The following HOXC4 variants were observed in gnomAD, a reference collection of about 807,000 sequenced individuals.
HOXC4 encodes the protein homeobox protein Hox-C4.
In HOXC4, 15 loss-of-function variants were observed where a neutral mutation model predicts 25.5. The observed-to-expected ratio is 0.59, with a 90% confidence interval of 0.39 to 0.91. HOXC4 has a LOEUF of 0.91. HOXC4 is among the 40% of genes least tolerant of loss of function. The pLI, the probability that HOXC4 is intolerant of heterozygous loss-of-function variation, is 0.00. For synonymous variants in HOXC4, 165 were observed against 148.0 expected (o/e 1.11, Z -0.83); for missense variants, 342 against 352.4 (o/e 0.97, Z 0.24).
rs143274247 is a variant in HOXC4, at chr12:54,034,483, G to A, written c.-124+17069G>A. 1.3e-4 allele frequency: 203 copies of A among 1,613,856 alleles called. 1 individual carries two copies. The Middle Eastern group carries it at 1.9e-3, about 15-fold the overall frequency. On this transcript the variant is annotated intron_variant, in intron 1 of 3. Transcript: ENST00000303406. ...AAGATTCCAAAATGAAAAGCAAAGAGGCTCTTTAGAGGCAGCGGGGGAGGC... is the reference window on the plus strand; with the variant it reads ...AAGATTCCAAAATGAAAAGCAAAGAAGCTCTTTAGAGGCAGCGGGGGAGGC...
Position 54,054,033 on chromosome 12 carries a change from C to A in HOXC4, c.111C>A (p.Tyr37Ter). 6.2e-7 allele frequency: 1 copy of A among 1,613,498 alleles called. No homozygotes were observed. Among genetic ancestry groups the A allele is most frequent in the Non-Finnish European group, 8.5e-7 (1 of 1,179,384 alleles). ...SYIPEHSPEYYGRTRESGFQH... is the reference protein window; with the variant it reads ...SYIPEHSPEY ...TCCCTGAACACAGTCCGGAATATTACGGCCGGACCAGGGAATCGGGATTCC... is the reference window on the plus strand; with the variant it reads ...TCCCTGAACACAGTCCGGAATATTAAGGCCGGACCAGGGAATCGGGATTCC... Residue 37 changes from tyrosine to a stop codon, truncating the protein, a stop_gained, in exon 1 of 2, where the codon TAC (tyrosine) becomes TAA (stop). Transcript: ENST00000430889. LOFTEE classifies it high-confidence loss of function.
At chr12:54,029,424 C>CCCCCCCCCCCCCCCCCCCT (rs1940893460) in intron 1 of HOXC4, among the ~76,000 whole-genome samples, 1 of 142,804 alleles carries the variant, frequency 7.0e-6, no homozygotes, top group African/African-American at 2.6e-5. Context: ...CCCCCCCCCA[C>CCCCCCCCCCCCCCCCCCCT]CACACACCTT....
chr12:54,030,717 A>AAAAT (rs1185935317), intron 1 of HOXC4: 17 of 152,724 alleles, frequency 1.1e-4, no homozygotes, highest in Middle Eastern at 3.4e-3. Flanking sequence ...CCAGTAGGAG[A>AAAAT]AAATAAATAA....
chr12:54,032,285 A>AC (rs979541063), intron 1 of HOXC4, among the ~76,000 whole-genome samples: 4 of 151,322 alleles, frequency 2.6e-5, no homozygotes, highest in Middle Eastern at 3.4e-3. Context: ...CAGCTTCATG[A>AC]CCCCCCTATC....
At chr12:54,020,601 A>G (rs1161548588) in intron 1 of HOXC4, 3 of 152,182 alleles carry the variant, frequency 2.0e-5, no homozygotes, top group Admixed American at 1.3e-4. Flanking sequence ...ATACAGACTC[A>G]TATTTCCTTG....
chr12:54,020,528 G>A (rs1940389268), intron 1 of HOXC4: 1 of 152,092 alleles, frequency 6.6e-6, no homozygotes. Context: ...ACCAGGCTTG[G>A]GAGTGTTATA....
intron 1 of HOXC4, chr12:54,028,571 G>T (rs200139629): frequency 6.2e-7 from 1 of 1,613,942 alleles, no homozygotes; most frequent in African/African-American, 1.3e-5. Flanking sequence ...CTCGCCGGGG[G>T]CCAGGACGTC....
At chr12:54,038,817 C>G (rs969467514) in intron 1 of HOXC4, among the ~76,000 whole-genome samples, 5 of 151,678 alleles carry the variant, frequency 3.3e-5, no homozygotes, top group African/African-American at 1.2e-4. Flanking sequence ...GAGGCAATGT[C>G]TTTGCTAGGC....
Position 54,055,819 on chromosome 12 carries a change from G to A in HOXC4, c.*614G>A, listed in dbSNP as rs1250713300. 3 of 152,570 alleles carry A rather than the reference G, an allele frequency of 2.0e-5. No individual in the cohort carries two copies. The highest frequency in any genetic ancestry group is 2.9e-5 in the Non-Finnish European group (2 of 68,032). The allele number at this position is 152,570 out of a possible 1,614,324, so 9.5% of individuals were successfully genotyped here. ...AAATGCATCTGGAGAGCCTCTCAGA[G>A]CTGTTCAGTTTGAGGAGCCAAAAGA... On this transcript the variant is annotated 3_prime_UTR_variant, in exon 2 of 2. Transcript: ENST00000430889.
chr12:54,042,129 C>A (rs1356902875), intron 1 of HOXC4, among the ~76,000 whole-genome samples: 1 of 152,102 alleles, frequency 6.6e-6, no homozygotes, highest in African/African-American at 2.4e-5. Context: ...GAGGCATGCA[C>A]CACCACGCCT....
chr12:54,046,416 G>A (rs1483974187), intron 1 of HOXC4, among the ~76,000 whole-genome samples: 1 of 152,134 alleles, frequency 6.6e-6, no homozygotes, highest in Non-Finnish European at 1.5e-5. Flanking sequence ...GGGGGCCTGG[G>A]GGACAAGTAT....
rs537061252 is a variant in HOXC4 at position 54,024,322 on chromosome 12, T to C, written c.-124+6908T>C. 4.6e-5 allele frequency among the ~76,000 whole-genome samples: 7 copies of C among 152,094 alleles called. No homozygotes were observed. In the South Asian group the frequency reaches 1.5e-3, roughly 32 times the overall value. ...CCAGGCGCTGAGGCTGAGCACTGAG[T>C]CCTGAGGCTCCAGTGCTTGGGTCCC... On this transcript the variant is annotated intron_variant, in intron 1 of 3. Coordinates refer to the HOXC4 transcript ENST00000303406.
chr12:54,029,020 A>G, intron 1 of HOXC4: 1 of 1,173,402 alleles, frequency 8.5e-7, no homozygotes, highest in Non-Finnish European at 1.2e-6. Context: ...TTATGGCCCC[A>G]TAAAAACAAT....
intron 1 of HOXC4, among the ~76,000 whole-genome samples, chr12:54,025,488 A>T (rs1395378888): frequency 2.7e-5 from 4 of 146,198 alleles, no homozygotes; most frequent in Non-Finnish European, 6.0e-5. Context: ...TCTAAGAGAA[A>T]GAAGAGGGCT....
intron 1 of HOXC4, chr12:54,034,000 T>G: frequency 4.8e-6 from 3 of 631,302 alleles, no homozygotes; most frequent in Non-Finnish European, 9.1e-6. Flanking sequence ...CGAGGGTGCT[T>G]ATTGTTCGGT....
At chr12:54,051,963 A>AT (rs558720502), upstream of HOXC4, among the ~76,000 whole-genome samples, 48 of 149,964 alleles carry the variant, frequency 3.2e-4, no homozygotes, top group South Asian at 1.1e-3. Flanking sequence ...CAAGGGCTTT[A>AT]TTTTTTTTTT....
chr12:54,037,371 C>T (rs1941202897), intron 1 of HOXC4, among the ~76,000 whole-genome samples: 1 of 152,098 alleles, frequency 6.6e-6, no homozygotes, highest in African/African-American at 2.4e-5. Flanking sequence ...TTCTGGGTTG[C>T]AAGCAGAGAC....
intron 1 of HOXC4, among the ~76,000 whole-genome samples, chr12:54,048,270 C>G (rs976184505): frequency 6.6e-6 from 1 of 152,022 alleles, no homozygotes; most frequent in African/African-American, 2.4e-5. Context: ...TCTGGTATGG[C>G]TGGGTCAGCC....
At chr12:54,053,673 C>A (rs765245376), upstream of HOXC4, among the ~76,000 whole-genome samples, 1 of 152,208 alleles carries the variant, frequency 6.6e-6, no homozygotes, top group African/African-American at 2.4e-5. Context: ...GCACTCCAAC[C>A]TCTGCTAGCT....
Sources: allele counts gnomAD v4.1 joint callset (sites outside exome capture counted in the v4.1 genomes callset), GRCh38; gene constraint gnomAD v4.1.1; transcripts MANE v1.5; gene names NCBI Gene and HGNC (gene_info 2026-07-23, HGNC 2026-07-21).